Variants in CD247 observed in about 807,000 individuals in gnomAD.
CD247 encodes the protein CD247 molecule, also known as T-cell surface glycoprotein CD3 zeta chain.
A neutral mutation model predicts 30.0 loss-of-function variants in CD247; 13 were observed. The ratio of observed to expected loss-of-function variants is 0.43; its 90% CI spans 0.28 to 0.69. CD247 has a LOEUF of 0.69. Among genes scored for constraint, CD247 ranks in the 30% least tolerant of loss-of-function variants. The probability of loss-of-function intolerance (pLI) is 0.16; values close to 1 mark genes in which losing one functional copy is unlikely to be tolerated. For missense variants in CD247, 193 were observed against 212.6 expected, an observed-to-expected ratio of 0.91 and a Z score of 0.57; for synonymous variants, 72 against 80.0, an observed-to-expected ratio of 0.90 and a Z score of 0.53.
chr1:167,488,877 ACCCAGGGAAGCGAGGGTGTGCTGAG>A (rs1208094597), intron 1 of CD247, among the ~76,000 whole-genome samples: 2 of 152,164 alleles, frequency 1.3e-5, no homozygotes, highest in African/African-American at 4.8e-5. Flanking sequence ...CCGAATAAAA[ACCCAGGGAAGCGAGGGTGTGCTGAG>A]CCCAGGGAGG....
In CD247 at chr1:167,448,650, T is replaced by C. The variant is rs538268886; in HGVS notation, c.59-7883A>G. Among the ~76,000 whole-genome samples the C allele has an allele frequency of 7.0e-4, 106 of 152,270 alleles. 1 individual carries two copies. The highest frequency in any genetic ancestry group is 3.4e-3 in the Middle Eastern group (1 of 294). ...CAACATATAATGTTTTACTACTCTC[T>C]TTAATTTGCTACCAGCCTGGCCAAC... On this transcript the variant is annotated intron_variant, in intron 1 of 7. Transcript: ENST00000362089.
At chr1:167,465,754 A>G (rs143163350) in intron 1 of CD247, among the ~76,000 whole-genome samples, 11 of 152,258 alleles carry the variant, frequency 7.2e-5, no homozygotes, top group Non-Finnish European at 1.5e-4. Context: ...AGCAGGAATT[A>G]TTTATCTAGC....
At chr1:167,515,380 A>G (rs1655558203) in intron 1 of CD247, among the ~76,000 whole-genome samples, 1 of 152,298 alleles carries the variant, frequency 6.6e-6, no homozygotes, top group East Asian at 1.9e-4. Context: ...TCAAAGTAAT[A>G]CTTTGAAAAA....
At chr1:167,518,368 A>G (rs777877982) in intron 1 of CD247, 40 bp downstream of exon 1, 1 of 1,602,508 alleles carries the variant, frequency 6.2e-7, no homozygotes, top group South Asian at 1.1e-5. Context: ...ATACACAAAG[A>G]GTTTCTAGAA....
intron 1 of CD247, among the ~76,000 whole-genome samples, chr1:167,480,315 A>T (rs976542470): frequency 2.6e-5 from 4 of 152,206 alleles, no homozygotes; most frequent in Admixed American, 6.5e-5. Context: ...TAAAAAGAAT[A>T]GGGTTAATTT....
intron 1 of CD247, among the ~76,000 whole-genome samples, chr1:167,459,348 C>CTTTTTTTTTTTTTTTT (rs34706916): frequency 1.2e-5 from 1 of 80,416 alleles, no homozygotes. Context: ...CCTTACAACT[C>CTTTTTTTTTTTTTTTT]TTTTTTTTTT....
chr1:167,452,811 G>C (rs527970679), intron 1 of CD247, among the ~76,000 whole-genome samples: 2 of 151,952 alleles, frequency 1.3e-5, no homozygotes, highest in Admixed American at 1.3e-4. Flanking sequence ...TCCACCAAGA[G>C]CCCCCCAACG....
At chr1:167,511,738 G>T (rs1319132272) in intron 1 of CD247, among the ~76,000 whole-genome samples, 1 of 152,114 alleles carries the variant, frequency 6.6e-6, no homozygotes, top group Non-Finnish European at 1.5e-5. Flanking sequence ...GTACGGACCT[G>T]GGCGAGCGGC....
intron 1 of CD247, among the ~76,000 whole-genome samples, chr1:167,497,391 G>A (rs569135781): frequency 2.0e-5 from 3 of 152,184 alleles, no homozygotes; most frequent in Middle Eastern, 3.4e-3. Context: ...TTTAAAGTGT[G>A]GTGTTTTAGG....
intron 1 of CD247, among the ~76,000 whole-genome samples, chr1:167,491,685 A>G (rs2102079599): frequency 6.6e-6 from 1 of 152,350 alleles, no homozygotes; most frequent in East Asian, 1.9e-4. Context: ...TTATAGCAGC[A>G]CTGTTCACAA....
At chr1:167,449,154 T>TTTTTTTTCTTTTTTTC (rs1553229965) in intron 1 of CD247, among the ~76,000 whole-genome samples, 140 of 57,568 alleles carry the variant, frequency 2.4e-3, no homozygotes, top group African/African-American at 8.0e-3. Flanking sequence ...CTTTTCTTTT[T>TTTTTTTTCTTTTTTTC]TTTTTTTTTT....
Position 167,473,092 on chromosome 1 carries a change from TACAC to T in CD247, c.59-32329_59-32326del, listed in dbSNP as rs35004482. 9.7e-3 allele frequency among the ~76,000 whole-genome samples: 1,426 copies of T among 146,620 alleles called. 12 individuals carry two copies. Among genetic ancestry groups the T allele is most frequent in the African/African-American group, 0.017 (662 of 39,664 alleles). ...CTCCTTAGGCGTCTTCTTCAAGTTTTACACACACACACACACACACACACACACA... is the reference window on the plus strand; with the variant it reads ...CTCCTTAGGCGTCTTCTTCAAGTTTTACACACACACACACACACACACACA... On this transcript the variant is annotated intron_variant, in intron 1 of 7. Coordinates refer to ENST00000362089, the MANE Select transcript of CD247 (RefSeq NM_198053.3).
intron 1 of CD247, among the ~76,000 whole-genome samples, chr1:167,442,360 G>T (rs551136912): frequency 6.6e-6 from 1 of 152,150 alleles, no homozygotes; most frequent in Non-Finnish European, 1.5e-5. Context: ...CCCAGATGAG[G>T]GCAGAGGGAG....
intron 1 of CD247, among the ~76,000 whole-genome samples, chr1:167,453,952 A>G (rs1571533095): frequency 6.6e-6 from 1 of 152,326 alleles, no homozygotes; most frequent in East Asian, 1.9e-4. Flanking sequence ...CAACAGAGTT[A>G]GACCCTGCCT....
At chr1:167,434,468 C>T (rs1046077584) in intron 5 of CD247, 9 of 354,122 alleles carry the variant, frequency 2.5e-5, no homozygotes, top group African/African-American at 1.9e-4. Flanking sequence ...GTAGATCAAC[C>T]CTCCCTCCCC....
rs139824771 is a variant in CD247 at position 167,490,239 on chromosome 1, C to T, written c.58+28169G>A. On this transcript the variant is annotated intron_variant, in intron 1 of 7. Coordinates refer to ENST00000362089, the MANE Select transcript of CD247 (RefSeq NM_198053.3). ...ATTCCAGACTCTGCCTGCAAAGCTT[C>T]TCCACCTTCCCCGTCATCTGACCTC... 1.4e-3 allele frequency among the ~76,000 whole-genome samples: 216 copies of T among 152,382 alleles called. No individual in the cohort carries two copies. In the Middle Eastern group the frequency reaches 0.02, roughly 14 times the overall value.
At chr1:167,470,319 C>G (rs1653454428) in intron 1 of CD247, among the ~76,000 whole-genome samples, 3 of 152,150 alleles carry the variant, frequency 2.0e-5, no homozygotes, top group Admixed American at 6.5e-5. Flanking sequence ...CATTCAATAT[C>G]TAACGGACAA....
intron 1 of CD247, among the ~76,000 whole-genome samples, chr1:167,482,119 AG>A (rs1168418026): frequency 6.6e-6 from 1 of 152,186 alleles, no homozygotes; most frequent in African/African-American, 2.4e-5. Context: ...GAGGTCTTCT[AG>A]GTCCTGTGAA....
At chr1:167,497,228 C>T (rs996577102) in intron 1 of CD247, among the ~76,000 whole-genome samples, 1 of 152,114 alleles carries the variant, frequency 6.6e-6, no homozygotes, top group African/African-American at 2.4e-5. Flanking sequence ...ATGCACATAT[C>T]CAAGCCTAGA....
Sources: allele counts gnomAD v4.1 joint callset (sites outside exome capture counted in the v4.1 genomes callset), GRCh38; gene constraint gnomAD v4.1.1; transcripts MANE v1.5; gene names NCBI Gene and HGNC (gene_info 2026-07-23, HGNC 2026-07-21).